The following PTPRJ variants were observed in gnomAD, a reference collection of about 807,000 sequenced individuals.
PTPRJ encodes protein tyrosine phosphatase receptor type J, also known as receptor-type tyrosine-protein phosphatase eta.
Under a neutral mutation model 141.3 loss-of-function variants are expected in PTPRJ, and 129 were observed. The ratio of observed to expected loss-of-function variants is 0.91; its 90% confidence interval spans 0.79 to 1.06. PTPRJ has a LOEUF of 1.06. Ranked by LOEUF, PTPRJ falls within the 50% of genes least tolerant of loss-of-function variation. PTPRJ has a pLI of 0.00. For missense variants in PTPRJ, 1,601 were observed against 1,679.7 expected (o/e 0.95, Z 0.82); for synonymous variants, 610 against 640.5 (o/e 0.95, Z 0.72).
intron 1 of PTPRJ, among the ~76,000 whole-genome samples, chr11:48,081,267 G>A (rs777396403): frequency 1.3e-5 from 2 of 152,208 alleles, no homozygotes; most frequent in South Asian, 2.1e-4. Flanking sequence ...CGACAGGTCC[G>A]GATGTGGGCC....
rs1853870477 is a variant in PTPRJ, at chr11:47,980,621, A to G, written c.-292A>G. The G allele has an allele frequency of 3.1e-6, 3 of 983,398 alleles. No homozygotes were observed. 60.9% of individuals were successfully genotyped at this position (983,398 alleles called of 1,614,324 possible). A position where few individuals can be genotyped will look rare whatever the true frequency, so the allele number is the denominator to read the frequency against. On this transcript the variant is annotated 5_prime_UTR_variant, in exon 1 of 25. Coordinates refer to ENST00000418331, the MANE Select transcript of PTPRJ (RefSeq NM_002843.4). ...GCAGCCGCGGGAGCCGGGACCGGGT[A>G]GCCGCGCGCTGGGGGTGGGCGCCGC...
chr11:48,063,583 G>A (rs781752438), intron 1 of PTPRJ, among the ~76,000 whole-genome samples: 9 of 152,158 alleles, frequency 5.9e-5, no homozygotes, highest in African/African-American at 9.7e-5. Context: ...CTGGGGGGTG[G>A]CCGTTTGTGA....
At chr11:48,103,844 A>G (rs1482694600) in intron 1 of PTPRJ, among the ~76,000 whole-genome samples, 1 of 152,194 alleles carries the variant, frequency 6.6e-6, no homozygotes, top group African/African-American at 2.4e-5. Flanking sequence ...CAGCCTCACC[A>G]AAATAGCCCT....
rs1408739176 is a variant in PTPRJ at position 48,112,978 on chromosome 11, G to T, written c.347G>T (p.Ser116Ile). The T allele has an allele frequency of 2.5e-6, 4 of 1,610,648 alleles. No homozygotes were observed. Among genetic ancestry groups the T allele is most frequent in the Non-Finnish European group, 3.4e-6 (4 of 1,176,964 alleles). ...TDGASQKTPS[S>I]TGPSPVFDIK... ...GGGGCATCTCAAAAAACTCCCAGTA[G>T]CACTGGTAAGCATAGGCTTTTCTGC... The change falls in exon 3 of 25, where the codon AGC becomes ATC. Residue 116 changes from serine to isoleucine, a missense_variant. Physicochemically the swap from Ser to Ile is moderately radical, Grantham distance 142. Coordinates refer to ENST00000418331, the MANE Select transcript of PTPRJ (RefSeq NM_002843.4).
chr11:48,090,425 G>A (rs1019131774), intron 1 of PTPRJ, among the ~76,000 whole-genome samples: 5 of 152,192 alleles, frequency 3.3e-5, no homozygotes, highest in East Asian at 3.8e-4. Context: ...TGGTTTTCAC[G>A]TGTCTCCTGA....
intron 8 of PTPRJ, 66 bp from the exon 9 acceptor site, chr11:48,135,973 C>A: frequency 6.4e-7 from 1 of 1,559,450 alleles, no homozygotes; most frequent in Non-Finnish European, 8.7e-7. Flanking sequence ...CTCGACAGCA[C>A]TTGGAGAGGA....
At chr11:48,089,388 G>A (rs1855801754) in intron 1 of PTPRJ, among the ~76,000 whole-genome samples, 1 of 151,928 alleles carries the variant, frequency 6.6e-6, no homozygotes, top group Non-Finnish European at 1.5e-5. Context: ...TAATGGTGCA[G>A]GCCTGTGATT....
rs539703045 is a variant in PTPRJ, at chr11:48,020,392, G to A, written c.96+39384G>A. ...GGTGGTGGAGGGCGTTGGCATAGGA[G>A]GCGTGAATGCTCTTTGTTTCTTGCT... On this transcript the variant is annotated intron_variant, in intron 1 of 24. Transcript: ENST00000418331. 8.5e-5 allele frequency among the ~76,000 whole-genome samples: 13 copies of A among 152,290 alleles called. No individual in the cohort carries two copies. In the East Asian group the frequency reaches 2.3e-3, roughly 27 times the overall value.
chr11:47,989,288 CAG>C (rs1339243170), intron 1 of PTPRJ, among the ~76,000 whole-genome samples: 3 of 148,670 alleles, frequency 2.0e-5, no homozygotes, highest in African/African-American at 5.0e-5. Context: ...TTTTTTGAGA[CAG>C]AGTTTTGCTC....
At chr11:48,159,736 C>T (rs1857716159) in intron 21 of PTPRJ, among the ~76,000 whole-genome samples, 194 bp from the exon 22 acceptor site, 2 of 152,200 alleles carry the variant, frequency 1.3e-5, no homozygotes, top group South Asian at 2.1e-4. Context: ...CACCACACTC[C>T]AGCCTGGGCA....
At chr11:48,014,076 G>C (rs966231915) in intron 1 of PTPRJ, among the ~76,000 whole-genome samples, 5 of 152,162 alleles carry the variant, frequency 3.3e-5, no homozygotes, top group African/African-American at 9.7e-5. Context: ...GTAGGTGGTG[G>C]TGATGGAGGG....
intron 1 of PTPRJ, among the ~76,000 whole-genome samples, chr11:48,027,816 A>T (rs1738752399): frequency 2.0e-5 from 3 of 151,088 alleles, no homozygotes; most frequent in Admixed American, 2.0e-4. Flanking sequence ...AAAAAAAAAA[A>T]AAAAAATCTT....
intron 22 of PTPRJ, among the ~76,000 whole-genome samples, chr11:48,160,952 G>A (rs929311325): frequency 2.0e-5 from 3 of 152,018 alleles, no homozygotes; most frequent in African/African-American, 7.3e-5. Context: ...GATCGCTTGA[G>A]CTCAGGTTTG....
chr11:48,143,616 A>C (rs1857283422), intron 12 of PTPRJ, among the ~76,000 whole-genome samples: 1 of 152,216 alleles, frequency 6.6e-6, no homozygotes, highest in Admixed American at 6.5e-5. Context: ...TCCTTAGCTG[A>C]GAGAAGAGGT....
chr11:48,153,433 C>CTGAG (rs1344498117), intron 18 of PTPRJ, among the ~76,000 whole-genome samples: 9 of 130,740 alleles, frequency 6.9e-5, no homozygotes, highest in African/African-American at 2.6e-4. Flanking sequence ...ACTCGGGAGG[C>CTGAG]TGAGGCAGGA....
chr11:48,153,674 T>C (rs951126013), intron 18 of PTPRJ, 122 bp from the exon 19 acceptor site: 1 of 639,350 alleles, frequency 1.6e-6, no homozygotes, highest in African/African-American at 1.8e-5. Flanking sequence ...TAAATTTCTA[T>C]GTTTATTCAA....
intron 1 of PTPRJ, among the ~76,000 whole-genome samples, chr11:48,098,870 C>T (rs1198812816): frequency 6.6e-6 from 1 of 152,160 alleles, no homozygotes; most frequent in Non-Finnish European, 1.5e-5. Flanking sequence ...GTCTTATCCA[C>T]CAAAAATCTC....
At chr11:48,122,000 A>G (rs1856719366) in intron 4 of PTPRJ, among the ~76,000 whole-genome samples, 1 of 152,198 alleles carries the variant, frequency 6.6e-6, no homozygotes, top group Non-Finnish European at 1.5e-5. Context: ...AACGAGGTCC[A>G]GCGTGGAGCA....
At chr11:47,988,926 T>C (rs946156839) in intron 1 of PTPRJ, among the ~76,000 whole-genome samples, 1 of 146,458 alleles carries the variant, frequency 6.8e-6, no homozygotes, top group East Asian at 2.0e-4. Context: ...CTTGCTCTGT[T>C]GCCCAGGCTG....
Sources: allele counts gnomAD v4.1 joint callset (sites outside exome capture counted in the v4.1 genomes callset), GRCh38; gene constraint gnomAD v4.1.1; transcripts MANE v1.5; gene names NCBI Gene and HGNC (gene_info 2026-07-23, HGNC 2026-07-21).